PRKN: variants seen among roughly 807,000 people sequenced by gnomAD.
PRKN encodes the protein E3 ubiquitin-protein ligase parkin.
A neutral mutation model predicts 59.5 loss-of-function variants in PRKN; 56 were observed. The ratio of observed to expected loss-of-function variants is 0.94; its 90% CI spans 0.76 to 1.18. The LOEUF (loss-of-function observed/expected upper bound fraction) is 1.18. Among genes scored for constraint, PRKN ranks in the 50% most tolerant of loss-of-function variants. The probability of loss-of-function intolerance (pLI) is 0.00; values close to 1 mark genes in which losing one functional copy is unlikely to be tolerated. For missense variants in PRKN, 657 were observed against 596.4 expected, an observed-to-expected ratio of 1.10 and a Z score of -1.06; for synonymous variants, 250 against 222.1, an observed-to-expected ratio of 1.13 and a Z score of -1.12.
At chr6:161,648,928 A>T (rs1784054947) in intron 7 of PRKN, among the ~76,000 whole-genome samples, 1 of 152,192 alleles carries the variant, frequency 6.6e-6, no homozygotes, top group Non-Finnish European at 1.5e-5. Flanking sequence ...TCAGAAATTA[A>T]ATTTTCTACT....
At chr6:161,469,521 T>A (rs1790664450) in intron 9 of PRKN, among the ~76,000 whole-genome samples, 1 of 144,776 alleles carries the variant, frequency 6.9e-6, no homozygotes, top group Non-Finnish European at 1.5e-5. Context: ...TTCTGGACTA[T>A]CCAGGTGGGT....
intron 1 of PRKN, among the ~76,000 whole-genome samples, chr6:162,653,346 CTG>C (rs971283052): frequency 6.6e-6 from 1 of 151,232 alleles, no homozygotes; most frequent in African/African-American, 2.4e-5. Flanking sequence ...GTGTGCGTGT[CTG>C]TGTGTGTGTC....
intron 1 of PRKN, among the ~76,000 whole-genome samples, chr6:162,477,937 C>T (rs190343581): frequency 6.6e-6 from 1 of 152,264 alleles, no homozygotes; most frequent in Non-Finnish European, 1.5e-5. Context: ...CATCCTGTTT[C>T]CCGGCTTCTG....
At chr6:162,649,110 T>C (rs1454602827) in intron 1 of PRKN, among the ~76,000 whole-genome samples, 2 of 152,286 alleles carry the variant, frequency 1.3e-5, no homozygotes, top group East Asian at 3.9e-4. Flanking sequence ...TATATGTATA[T>C]AAACATTTCT....
intron 4 of PRKN, among the ~76,000 whole-genome samples, chr6:162,107,832 T>C (rs1280011810): frequency 2.6e-5 from 4 of 152,320 alleles, no homozygotes; most frequent in Admixed American, 2.6e-4. Flanking sequence ...AAACTTTTCC[T>C]ATTTCTTACT....
chr6:162,209,960 G>A (rs570218611), intron 3 of PRKN, among the ~76,000 whole-genome samples: 2 of 151,830 alleles, frequency 1.3e-5, no homozygotes, highest in Admixed American at 1.3e-4. Flanking sequence ...CCTGTTGTGG[G>A]ATGGGGAGAG....
intron 2 of PRKN, among the ~76,000 whole-genome samples, chr6:162,404,687 G>A (rs1018280778): frequency 2.6e-5 from 4 of 152,176 alleles, no homozygotes; most frequent in African/African-American, 7.2e-5. Flanking sequence ...CGAGTAGCTC[G>A]GACTACAGGC....
At chr6:162,061,570 T>C (rs1431789794) in intron 4 of PRKN, among the ~76,000 whole-genome samples, 1 of 152,162 alleles carries the variant, frequency 6.6e-6, no homozygotes, top group Non-Finnish European at 1.5e-5. Context: ...TCGCCCTCTG[T>C]CATATAGTAG....
rs1473410972 is a variant in PRKN at position 161,396,563 on chromosome 6, T to C, written c.1084-9686A>G. Among the ~76,000 whole-genome samples the C allele has an allele frequency of 1.3e-5, 2 of 152,302 alleles. No individual in the cohort carries two copies. Among genetic ancestry groups the C allele is most frequent in the African/African-American group, 4.8e-5 (2 of 41,552 alleles). On this transcript the variant is annotated intron_variant, in intron 9 of 11. Coordinates refer to ENST00000366898, the MANE Select transcript of PRKN (RefSeq NM_004562.3). The surrounding 1 kb of genome is among the most constrained non-coding windows in gnomAD (Gnocchi z 5.4). ...ATTAATTAGTGAACATGTTTGAATA[T>C]GGCCATTCATTAGTAAAACGCACAG...
At position 162,445,689 on chromosome 6, in the gene PRKN, T is replaced by TA. The variant is rs71004091; in HGVS notation, c.8-2217dup. On this transcript the variant is annotated intron_variant, in intron 1 of 11. Transcript: ENST00000366898. ...CACCCTGGGTGACAGAGACCTTGTC[T>TA]AAAAAAAAAAAAAAAAAAAAAAAAA... is the stretch of plus-strand genomic sequence containing the variant. 8.0e-4 allele frequency among the ~76,000 whole-genome samples: 23 copies of TA among 28,746 alleles called. 2 individuals carry two copies. The highest frequency in any genetic ancestry group is 1.0e-3 in the Non-Finnish European group (19 of 18,330). 18.9% of individuals were successfully genotyped at this position (28,746 alleles called of 152,430 possible). A position where few individuals can be genotyped will look rare whatever the true frequency, so the allele number is the denominator to read the frequency against.
chr6:162,285,266 ATTTTTTT>A (rs11392809), intron 2 of PRKN, among the ~76,000 whole-genome samples: 7 of 95,928 alleles, frequency 7.3e-5, no homozygotes, highest in Admixed American at 1.4e-4. Context: ...TATTTTGGAG[ATTTTTTT>A]TTTTTTTTTT....
At chr6:161,501,376 G>C (rs1347351366) in intron 9 of PRKN, among the ~76,000 whole-genome samples, 1 of 152,154 alleles carries the variant, frequency 6.6e-6, no homozygotes, top group African/African-American at 2.4e-5. Flanking sequence ...GACATATGAT[G>C]TTGAACATCT....
rs1436669954 is a variant in PRKN, at chr6:161,592,333, T to C, written c.872-22917A>G. On this transcript the variant is annotated intron_variant, in intron 7 of 11. Coordinates refer to ENST00000366898, the MANE Select transcript of PRKN (RefSeq NM_004562.3). This position sits in a 1 kb window ranked among gnomAD's most constrained non-coding sequence, Gnocchi z 4.8. ...ACCTTAAAGACTGAGGAGCAAAATA[T>C]AAGGAGACAATGCATTAAGCCCATC... Among the ~76,000 whole-genome samples the C allele has an allele frequency of 6.6e-6, 1 of 152,154 alleles. No individual in the cohort carries two copies. Among genetic ancestry groups the C allele is most frequent in the Non-Finnish European group, 1.5e-5 (1 of 68,036 alleles).
At chr6:162,027,469 T>C (rs1393715191) in intron 5 of PRKN, among the ~76,000 whole-genome samples, 3 of 152,174 alleles carry the variant, frequency 2.0e-5, no homozygotes, top group Non-Finnish European at 2.9e-5. Context: ...CCTCTGTATA[T>C]TCTTGTGTAG....
intron 2 of PRKN, among the ~76,000 whole-genome samples, chr6:162,320,123 T>C (rs1782927187): frequency 6.6e-6 from 1 of 151,780 alleles, no homozygotes; most frequent in Admixed American, 6.6e-5. Context: ...TCCATTCATG[T>C]TGCTGCAAAG....
At chr6:162,643,616 G>A (rs182719805) in intron 1 of PRKN, among the ~76,000 whole-genome samples, 54 of 152,090 alleles carry the variant, frequency 3.6e-4, no homozygotes, top group African/African-American at 1.2e-3. Context: ...TCTATCCAGT[G>A]TTCATAAGTT....
intron 3 of PRKN, among the ~76,000 whole-genome samples, chr6:162,259,876 G>C (rs1326508960): frequency 1.3e-5 from 2 of 152,170 alleles, no homozygotes; most frequent in African/African-American, 4.8e-5. Flanking sequence ...GTCAGAACTG[G>C]AGTACAAAAT....
In PRKN at chr6:161,844,375, G is replaced by A. The variant is rs182272450; in HGVS notation, c.735-58467C>T. Among the ~76,000 whole-genome samples, 138 of 152,254 alleles carry A rather than the reference G, an allele frequency of 9.1e-4. 2 individuals carry two copies. The highest frequency in any genetic ancestry group is 3.0e-3 in the African/African-American group (126 of 41,554). ...GAAAGTGATTGAAAGTTGATTATCC[G>A]GTTTGTTAAACAGCTAACATTGAAC... On this transcript the variant is annotated intron_variant, in intron 6 of 11. Transcript: ENST00000366898.
rs1377319415 is a variant in PRKN at position 161,349,912 on chromosome 6, G to A, written c.*187C>T. 1 of 641,136 alleles carries A rather than the reference G, an allele frequency of 1.6e-6. No individual in the cohort carries two copies. The highest frequency in any genetic ancestry group is 2.8e-6 in the Non-Finnish European group (1 of 350,978). The allele number at this position is 641,136 out of a possible 1,614,324, so 39.7% of individuals were successfully genotyped here. On this transcript the variant is annotated 3_prime_UTR_variant, in exon 12 of 12. Transcript: ENST00000366898. This position sits in a 1 kb window ranked among gnomAD's most constrained non-coding sequence, Gnocchi z 5.5. ...TAATTTTACTCTGCTGTTTTTCATG[G>A]ACATAGTGAAAGGGATCCAGGAGTT...
Sources: gnomAD v4.1 joint callset for allele counts (sites outside exome capture counted in the v4.1 genomes callset) on GRCh38, gnomAD v4.1.1 for gene constraint, Gnocchi (gnomAD v3.1) non-coding constraint, MANE v1.5 for transcripts, NCBI Gene and HGNC (gene_info 2026-07-23, HGNC 2026-07-21) for gene names.